The following TAFA2 variants were observed in gnomAD, a reference collection of about 807,000 sequenced individuals.
The protein encoded by TAFA2 is TAFA chemokine like family member 2.
A neutral mutation model predicts 18.8 loss-of-function variants in TAFA2; 7 were observed. The observed-to-expected ratio is 0.37, with a 90% CI of 0.21 to 0.70. The LOEUF (loss-of-function observed/expected upper bound fraction) is 0.70. Ranked by LOEUF, TAFA2 falls within the 30% of genes least tolerant of loss-of-function variation. The pLI is 0.53. For synonymous variants in TAFA2, 60 were observed against 54.2 expected (o/e 1.11, Z -0.47); for missense variants, 122 against 158.1 (o/e 0.77, Z 1.23).
rs887705044 is a variant in TAFA2, at chr12:61,915,867, G to A, written c.-1-48441C>T. On this transcript the variant is annotated intron_variant, in intron 1 of 4. Coordinates refer to ENST00000416284, the MANE Select transcript of TAFA2 (RefSeq NM_178539.5). ...GGTGAGCATGAGTCTGCTTTACTCAGTCTACCAATCCCAATTCTAATCTCT... is the reference window on the plus strand; with the variant it reads ...GGTGAGCATGAGTCTGCTTTACTCAATCTACCAATCCCAATTCTAATCTCT... Among the ~76,000 whole-genome samples the A allele has an allele frequency of 2.6e-5, 4 of 152,262 alleles. 1 individual carries two copies. The highest frequency in any genetic ancestry group is 4.1e-4 in the South Asian group (2 of 4,826).
chr12:62,159,006 T>C (rs2062389496), intron 1 of TAFA2, among the ~76,000 whole-genome samples: 1 of 152,184 alleles, frequency 6.6e-6, no homozygotes, highest in Non-Finnish European at 1.5e-5. Flanking sequence ...ATTATACAGG[T>C]ATGATAACAA....
intron 1 of TAFA2, among the ~76,000 whole-genome samples, chr12:62,214,177 T>C (rs947536957): frequency 6.6e-6 from 1 of 152,226 alleles, no homozygotes; most frequent in Non-Finnish European, 1.5e-5. Flanking sequence ...AGAGGCTGAC[T>C]TATGGCCCCT....
intron 1 of TAFA2, among the ~76,000 whole-genome samples, chr12:62,087,320 C>T (rs9738796): frequency 0.12 from 17,813 of 151,954 alleles, 1,163 homozygotes; most frequent in Non-Finnish European, 0.14. Flanking sequence ...CACTTTACCA[C>T]GGTAAAAACA....
intron 1 of TAFA2, among the ~76,000 whole-genome samples, chr12:62,080,724 C>T (rs1318102474): frequency 6.6e-6 from 1 of 152,010 alleles, no homozygotes; most frequent in Non-Finnish European, 1.5e-5. Context: ...ATGAAATAGT[C>T]ATAAATACAG....
At chr12:62,057,657 T>C (rs1882221767) in intron 1 of TAFA2, among the ~76,000 whole-genome samples, 1 of 152,214 alleles carries the variant, frequency 6.6e-6, no homozygotes. Context: ...GAAATTTTAC[T>C]ATGCATACTT....
intron 1 of TAFA2, among the ~76,000 whole-genome samples, chr12:61,911,607 A>C (rs1236139233): frequency 6.6e-6 from 1 of 152,186 alleles, no homozygotes; most frequent in Non-Finnish European, 1.5e-5. Context: ...CTTCTCATGC[A>C]TTTAATAAGC....
chr12:62,084,980 C>A (rs1235992606), intron 1 of TAFA2, among the ~76,000 whole-genome samples: 3 of 152,114 alleles, frequency 2.0e-5, no homozygotes, highest in Non-Finnish European at 4.4e-5. Context: ...AAACTTGATA[C>A]CTTCCTGAAG....
At chr12:62,001,679 C>A (rs1316120089) in intron 1 of TAFA2, among the ~76,000 whole-genome samples, 1 of 152,092 alleles carries the variant, frequency 6.6e-6, no homozygotes. Context: ...TTCACTTGCC[C>A]TCCTGCTGCT....
At chr12:62,146,139 G>A (rs2062279145) in intron 1 of TAFA2, among the ~76,000 whole-genome samples, 1 of 152,082 alleles carries the variant, frequency 6.6e-6, no homozygotes, top group Non-Finnish European at 1.5e-5. Flanking sequence ...CGTCATGAAG[G>A]ATCCCTCAAG....
At chr12:62,176,695 CTG>C (rs1486038199) in intron 1 of TAFA2, among the ~76,000 whole-genome samples, 2 of 152,118 alleles carry the variant, frequency 1.3e-5, no homozygotes, top group African/African-American at 2.4e-5. Context: ...TATAGGAAAT[CTG>C]AGACATATTC....
intron 4 of TAFA2, among the ~76,000 whole-genome samples, chr12:61,749,991 C>T (rs1385462349): frequency 7.2e-6 from 1 of 139,338 alleles, no homozygotes; most frequent in Non-Finnish European, 1.5e-5. Flanking sequence ...TATCAAAACA[C>T]CCCACACACA....
At chr12:62,162,876 T>C (rs1352216508) in intron 1 of TAFA2, among the ~76,000 whole-genome samples, 1 of 152,032 alleles carries the variant, frequency 6.6e-6, no homozygotes, top group East Asian at 1.9e-4. Flanking sequence ...CAGCTTCTGC[T>C]TGAGAACTTC....
At chr12:62,060,305 A>T (rs935060402) in intron 1 of TAFA2, among the ~76,000 whole-genome samples, 2 of 152,208 alleles carry the variant, frequency 1.3e-5, no homozygotes, top group Non-Finnish European at 2.9e-5. Flanking sequence ...TGGGCCACAT[A>T]AACAATGGAG....
intron 1 of TAFA2, among the ~76,000 whole-genome samples, chr12:62,157,579 C>T (rs898601074): frequency 6.6e-6 from 1 of 152,182 alleles, no homozygotes; most frequent in Non-Finnish European, 1.5e-5. Flanking sequence ...CTCTATCTAC[C>T]TCACTGAGTC....
At chr12:62,040,002 G>T (rs1239597107) in intron 1 of TAFA2, among the ~76,000 whole-genome samples, 1 of 152,160 alleles carries the variant, frequency 6.6e-6, no homozygotes, top group Non-Finnish European at 1.5e-5. Context: ...ACTCAGGGTT[G>T]CTTCTAGATG....
At chr12:62,249,258 CT>C in intron 1 of TAFA2, among the ~76,000 whole-genome samples, 1 of 130,386 alleles carries the variant, frequency 7.7e-6, no homozygotes, top group Non-Finnish European at 1.6e-5. Flanking sequence ...GGACTGCTCC[CT>C]CCTTTTTTTT....
At chr12:62,064,746 C>T (rs1882442717) in intron 1 of TAFA2, among the ~76,000 whole-genome samples, 1 of 152,024 alleles carries the variant, frequency 6.6e-6, no homozygotes, top group Non-Finnish European at 1.5e-5. Flanking sequence ...TTAAGGTACA[C>T]TTTAGTTCAC....
chr12:61,805,522 C>G (rs757205362), intron 2 of TAFA2, among the ~76,000 whole-genome samples: 2 of 151,970 alleles, frequency 1.3e-5, no homozygotes, highest in Non-Finnish European at 2.9e-5. Flanking sequence ...GATTCATTGT[C>G]CATTGCCCAA....
intron 1 of TAFA2, chr12:62,234,374 T>C (rs2062825886): frequency 1.6e-6 from 1 of 635,448 alleles, no homozygotes; most frequent in Non-Finnish European, 3.0e-6. Context: ...TAGAATCCTC[T>C]TCCTTCATTC....
Sources: gnomAD v4.1 joint callset for allele counts (sites outside exome capture counted in the v4.1 genomes callset) on GRCh38, gnomAD v4.1.1 for gene constraint, MANE v1.5 for transcripts, NCBI Gene and HGNC (gene_info 2026-07-23, HGNC 2026-07-21) for gene names.